Variants in KLHL13 observed in about 807,000 individuals in gnomAD.
KLHL13 encodes kelch like family member 13.
KLHL13 carries 10 observed loss-of-function variants against 37.1 expected under a neutral mutation model. That is an observed-to-expected ratio of 0.27 (90% CI 0.17 to 0.46). The LOEUF (loss-of-function observed/expected upper bound fraction) is 0.46, where lower values mean the gene tolerates loss of function less well. Among genes scored for constraint, KLHL13 ranks in the 20% least tolerant of loss-of-function variants. KLHL13 has a pLI of 1.00. For synonymous variants in KLHL13, 163 were observed against 181.2 expected (o/e 0.90, Z 0.81); for missense variants, 360 against 509.3 (o/e 0.71, Z 2.82).
At chrX:118,046,462 A>G in intron 1 of KLHL13, among the ~76,000 whole-genome samples, 2 of 112,136 alleles carry the variant, frequency 1.8e-5, no homozygotes, top group Admixed American at 1.9e-4. Context: ...AGAATAAATA[A>G]GATCTATTAT....
intron 2 of KLHL13, among the ~76,000 whole-genome samples, chrX:117,924,915 T>C (rs1047033018): frequency 1.8e-5 from 2 of 111,212 alleles, no homozygotes; most frequent in African/African-American, 6.5e-5. Flanking sequence ...TGTTTTAATG[T>C]TTAATGTTTA....
At chrX:118,097,374 G>A (rs907571278) in intron 1 of KLHL13, among the ~76,000 whole-genome samples, 18 of 111,377 alleles carry the variant, frequency 1.6e-4, no homozygotes, top group Non-Finnish European at 2.1e-4. Context: ...ACTTACAAGG[G>A]ATGTGAAGGA....
chrX:118,062,026 T>C (rs1437400178), intron 1 of KLHL13, among the ~76,000 whole-genome samples: 3 of 111,077 alleles, frequency 2.7e-5, no homozygotes, highest in Admixed American at 9.6e-5. Flanking sequence ...ACTGTTTTAT[T>C]GTTTCTCTTT....
intron 6 of KLHL13, among the ~76,000 whole-genome samples, chrX:117,900,671 T>C (rs1429633371): frequency 1.8e-5 from 2 of 111,875 alleles, no homozygotes; most frequent in African/African-American, 6.5e-5. Flanking sequence ...AAAAATTTCA[T>C]AAGGCAGTGG....
intron 1 of KLHL13, among the ~76,000 whole-genome samples, chrX:118,103,746 C>G (rs2055314191): frequency 9.0e-6 from 1 of 110,884 alleles, no homozygotes; most frequent in African/African-American, 3.3e-5. Flanking sequence ...CCCCAACACA[C>G]ACAGAGATAT....
intron 1 of KLHL13, among the ~76,000 whole-genome samples, chrX:118,069,147 A>ACACACACACACC (rs1382307402): frequency 5.7e-5 from 6 of 105,603 alleles, no homozygotes; most frequent in Middle Eastern, 4.8e-3. Context: ...ACACACACAC[A>ACACACACACACC]CCCTCACCTG....
intron 1 of KLHL13, among the ~76,000 whole-genome samples, chrX:118,018,923 A>C (rs961259010): frequency 1.8e-5 from 2 of 110,934 alleles, no homozygotes; most frequent in Non-Finnish European, 3.8e-5. Flanking sequence ...TAACCTTTTT[A>C]TTTCTTTCTA....
At chrX:117,900,520 G>A (rs1229098476) in intron 6 of KLHL13, among the ~76,000 whole-genome samples, 1 of 111,374 alleles carries the variant, frequency 9.0e-6, no homozygotes, top group East Asian at 2.8e-4. Context: ...ATAGATAGAT[G>A]GTGTAAATCA....
At chrX:117,953,989 A>G (rs967016871) in intron 1 of KLHL13, among the ~76,000 whole-genome samples, 2 of 111,812 alleles carry the variant, frequency 1.8e-5, no homozygotes, top group East Asian at 2.8e-4. Flanking sequence ...TCACATACTG[A>G]TATCAACATT....
chrX:118,062,274 T>C (rs1157578763), intron 1 of KLHL13, among the ~76,000 whole-genome samples: 2 of 111,154 alleles, frequency 1.8e-5, no homozygotes, highest in Non-Finnish European at 3.8e-5. Flanking sequence ...CTCATTTTCT[T>C]CATTTTGAGA....
chrX:118,004,470 C>G (rs5955996), intron 1 of KLHL13, among the ~76,000 whole-genome samples: 1,995 of 111,278 alleles, frequency 0.018, 41 homozygotes, highest in African/African-American at 0.061. Context: ...TGTAATGAAG[C>G]ACTCAGAAAG....
chrX:118,029,457 G>A (rs758514560), intron 1 of KLHL13, among the ~76,000 whole-genome samples: 2 of 111,953 alleles, frequency 1.8e-5, no homozygotes, highest in South Asian at 3.7e-4. Context: ...AAAAGAGTAG[G>A]TGAGTTTTGG....
rs192624772 is a variant in KLHL13 at position 117,902,674 on chromosome X, C to A, written c.1367-728G>T. Reference sequence around the variant, plus strand: ...TCAACTCACTTAAGTATCTTTCAATCAGTCTGTTATAACCTCAAGAACAGA... The same window carrying A: ...TCAACTCACTTAAGTATCTTTCAATAAGTCTGTTATAACCTCAAGAACAGA... On this transcript the variant is annotated intron_variant, in intron 5 of 6. Transcript: ENST00000262820. Among the ~76,000 whole-genome samples, 283 of 111,355 alleles carry A rather than the reference C, an allele frequency of 2.5e-3. 1 individual carries two copies. Among genetic ancestry groups the A allele is most frequent in the Non-Finnish European group, 4.2e-3 (220 of 53,008 alleles).
chrX:118,084,286 C>T (rs1344229108), intron 1 of KLHL13, among the ~76,000 whole-genome samples: 1 of 111,925 alleles, frequency 8.9e-6, no homozygotes, highest in Non-Finnish European at 1.9e-5. Context: ...CCTTTGCACT[C>T]CAGCCTGGAT....
At chrX:117,955,429 A>C (rs1335125011) in intron 1 of KLHL13, among the ~76,000 whole-genome samples, 1 of 111,898 alleles carries the variant, frequency 8.9e-6, no homozygotes, top group African/African-American at 3.2e-5. Context: ...AAGAGTCCCA[A>C]TGACTCTATG....
At chrX:117,941,757 T>C (rs778184684) in intron 2 of KLHL13, among the ~76,000 whole-genome samples, 2 of 111,623 alleles carry the variant, frequency 1.8e-5, no homozygotes, top group African/African-American at 6.5e-5. Context: ...GCGGTCTATC[T>C]ATTTTGTTGA....
chrX:117,954,307 A>C (rs775602142), intron 1 of KLHL13, among the ~76,000 whole-genome samples: 33 of 111,982 alleles, frequency 2.9e-4, no homozygotes, highest in Non-Finnish European at 3.8e-5. Flanking sequence ...AATGTTTTCT[A>C]TTTAGAAAGC....
rs181187364 is a variant in KLHL13 at position 117,952,249 on chromosome X, G to A, written c.99-6674C>T. 8.0e-3 allele frequency among the ~76,000 whole-genome samples: 889 copies of A among 111,003 alleles called. 7 individuals carry two copies. The highest frequency in any genetic ancestry group is 0.028 in the African/African-American group (847 of 30,537). On this transcript the variant is annotated intron_variant, in intron 1 of 6. Coordinates refer to ENST00000262820, the Ensembl canonical transcript of KLHL13. ...GAACAGAGCCCTCAGAAATAATGCC[G>A]CATATCTACAACTATCTGATCTTTG...
chrX:118,018,162 A>G (rs2148003303), intron 1 of KLHL13, among the ~76,000 whole-genome samples: 1 of 111,915 alleles, frequency 8.9e-6, no homozygotes, highest in African/African-American at 3.2e-5. Flanking sequence ...AAGACTAAAC[A>G]CATGCAAGGC....
Sources: allele counts gnomAD v4.1 joint callset (sites outside exome capture counted in the v4.1 genomes callset), GRCh38; gene constraint gnomAD v4.1.1; transcripts MANE v1.5; gene names NCBI Gene and HGNC (gene_info 2026-07-23, HGNC 2026-07-21).